NOD1: variants seen among roughly 807,000 people sequenced by gnomAD.
The protein encoded by NOD1 is nucleotide binding oligomerization domain containing 1, also known as nucleotide-binding oligomerization domain-containing protein 1.
NOD1 carries 70 observed loss-of-function variants against 81.2 expected under a neutral mutation model. The observed-to-expected ratio is 0.86, with a 90% confidence interval of 0.71 to 1.05. NOD1 has a LOEUF of 1.05. Ranked by LOEUF, NOD1 falls within the 50% of genes least tolerant of loss-of-function variation. The probability of loss-of-function intolerance (pLI) is 0.00; values close to 1 mark genes in which losing one functional copy is unlikely to be tolerated. For missense variants in NOD1, 1,233 were observed against 1,228.0 expected (o/e 1.00, Z -0.06); for synonymous variants, 508 against 526.9 (o/e 0.96, Z 0.49).
chr7:30,474,282 T>C (rs1164707309), intron 1 of NOD1, among the ~76,000 whole-genome samples: 2 of 152,260 alleles, frequency 1.3e-5, no homozygotes, highest in African/African-American at 4.8e-5. Flanking sequence ...GCACTTTACA[T>C]AGATTAGCTC....
chr7:30,435,034 G>A (rs1784264154), intron 11 of NOD1, among the ~76,000 whole-genome samples: 1 of 151,934 alleles, frequency 6.6e-6, no homozygotes, highest in South Asian at 2.1e-4. Flanking sequence ...GCCTTCCAAA[G>A]TACTGGGATT....
At position 30,425,545 on chromosome 7, in the gene NOD1, G is replaced by C. The variant is rs1277364726; in HGVS notation, c.*93C>G. On this transcript the variant is annotated 3_prime_UTR_variant, in exon 14 of 14. Transcript: ENST00000222823. Reference sequence around the variant, plus strand: ...ACTCCTGATAGTCCCGCCTGCGCAGGCCCCTTTAAGACACTGACACAAAAG... The same window carrying C: ...ACTCCTGATAGTCCCGCCTGCGCAGCCCCCTTTAAGACACTGACACAAAAG... 1 of 892,758 alleles carries C rather than the reference G, an allele frequency of 1.1e-6. No homozygotes were observed. Among genetic ancestry groups the C allele is most frequent in the Non-Finnish European group, 1.9e-6 (1 of 524,116 alleles). 55.3% of individuals were successfully genotyped at this position (892,758 alleles called of 1,614,324 possible).
intron 4 of NOD1, among the ~76,000 whole-genome samples, chr7:30,456,307 C>T (rs1002246909): frequency 2.6e-5 from 4 of 152,162 alleles, no homozygotes; most frequent in Admixed American, 6.5e-5. Context: ...GTGGACCCAC[C>T]GTGGGATGTC....
chr7:30,438,726 G>A (rs1784599567), intron 9 of NOD1, among the ~76,000 whole-genome samples: 3 of 152,138 alleles, frequency 2.0e-5, no homozygotes, highest in Admixed American at 2.0e-4. Flanking sequence ...TAATAAAGTG[G>A]AAAGCTACTC....
rs1238121335 is a variant in NOD1 at position 30,467,416 on chromosome 7, T to G, written c.-351-7375A>C. 6.6e-6 allele frequency among the ~76,000 whole-genome samples: 1 copy of G among 152,120 alleles called. No homozygotes were observed. Among genetic ancestry groups the G allele is most frequent in the Non-Finnish European group, 1.5e-5 (1 of 67,986 alleles). On this transcript the variant is annotated intron_variant, in intron 1 of 13. Coordinates refer to ENST00000222823, the MANE Select transcript of NOD1 (RefSeq NM_006092.4). The surrounding 1 kb of genome is among the most constrained non-coding windows in gnomAD (Gnocchi z 4.5). Reference sequence around the variant, plus strand: ...TTAGGGCCTTTTCCTCATTAGGGCATCTCAGGACATCTTGAGGCAGGCCAG... The same window carrying G: ...TTAGGGCCTTTTCCTCATTAGGGCAGCTCAGGACATCTTGAGGCAGGCCAG...
At chr7:30,476,857 G>A (rs991176559) in intron 1 of NOD1, among the ~76,000 whole-genome samples, 2 of 152,196 alleles carry the variant, frequency 1.3e-5, no homozygotes, top group South Asian at 2.1e-4. Context: ...GGAATGGAGC[G>A]TTGAAGGGAA....
intron 13 of NOD1, among the ~76,000 whole-genome samples, 166 bp from the exon 14 acceptor site, chr7:30,425,876 G>T (rs1384698079): frequency 1.3e-5 from 2 of 152,078 alleles, no homozygotes; most frequent in African/African-American, 4.8e-5. Flanking sequence ...ATATTAGCAT[G>T]GATCCTCTCC....
rs1212592113 is a variant in NOD1, at chr7:30,452,557, T to C, written c.860A>G (p.Asp287Gly). The C allele has an allele frequency of 6.2e-7, 1 of 1,613,148 alleles. No individual in the cohort carries two copies. The highest frequency in any genetic ancestry group is 1.1e-5 in the South Asian group (1 of 91,086). Residue 287 changes from aspartate (D) to glycine (G), a missense_variant, in exon 6 of 14, where the codon GAC (aspartate) becomes GGC (glycine). By Grantham distance (94) the Asp-to-Gly change is moderately conservative (BLOSUM62 -1). Coordinates refer to ENST00000222823, the MANE Select transcript of NOD1 (RefSeq NM_006092.4). ...HVALFTFDGL[D>G]ELHSDLDLSR... ...CAGGTCCAAGTCCGAGTGCAGCTCG[T>C]CCAGGCCATCGAAGGTGAAGAGGGC...
intron 1 of NOD1, among the ~76,000 whole-genome samples, chr7:30,469,663 T>G (rs1249199943): frequency 2.0e-5 from 3 of 149,400 alleles, no homozygotes. Flanking sequence ...CTGTTCAGAG[T>G]GCACAGAGAG....
intron 13 of NOD1, among the ~76,000 whole-genome samples, chr7:30,426,725 T>C (rs1303221634): frequency 6.6e-6 from 1 of 152,136 alleles, no homozygotes; most frequent in Non-Finnish European, 1.5e-5. Flanking sequence ...CAGCCTCCTG[T>C]AGTCCCCTCT....
At position 30,429,270 on chromosome 7, in the gene NOD1, C is replaced by G. The variant is rs537125593; in HGVS notation, c.2789+104G>C. Reference sequence around the variant, plus strand: ...GTAATACCATTACTGTGCAGGGTTGCTGGAGGAATAAACAGAAACCACCCT... The same window carrying G: ...GTAATACCATTACTGTGCAGGGTTGGTGGAGGAATAAACAGAAACCACCCT... On this transcript the variant is annotated intron_variant, in intron 13 of 13. Transcript: ENST00000222823. 4 of 931,806 alleles carry G rather than the reference C, an allele frequency of 4.3e-6. No individual in the cohort carries two copies. In the East Asian group the frequency reaches 9.6e-5, roughly 22 times the overall value. 57.7% of individuals were successfully genotyped at this position (931,806 alleles called of 1,614,324 possible).
At chr7:30,436,533 A>G (rs1455233613) in intron 10 of NOD1, among the ~76,000 whole-genome samples, 1 of 152,162 alleles carries the variant, frequency 6.6e-6, no homozygotes, top group African/African-American at 2.4e-5. Flanking sequence ...CCAAGGTCCC[A>G]AGATTTGGCC....
intron 3 of NOD1, among the ~76,000 whole-genome samples, chr7:30,457,769 C>T (rs1040731702): frequency 3.3e-5 from 5 of 152,076 alleles, no homozygotes; most frequent in African/African-American, 1.2e-4. Context: ...CACAAAATAG[C>T]CTGAGAAGAG....
At chr7:30,429,347 T>C (rs775008755) in intron 13 of NOD1, 27 bp downstream of exon 13, 2 of 1,577,404 alleles carry the variant, frequency 1.3e-6, no homozygotes, top group South Asian at 2.2e-5. Context: ...ACTGGTGTTA[T>C]TACTGTGACA....
chr7:30,446,764 C>T, intron 8 of NOD1: 1 of 554,684 alleles, frequency 1.8e-6, no homozygotes, highest in Non-Finnish European at 3.2e-6. Flanking sequence ...AAATGCCAAC[C>T]TTTCCCCCTA....
intron 13 of NOD1, among the ~76,000 whole-genome samples, chr7:30,427,177 T>C (rs1268741576): frequency 6.6e-6 from 1 of 152,014 alleles, no homozygotes; most frequent in Non-Finnish European, 1.5e-5. Flanking sequence ...GGCCCCACCC[T>C]CCCAGAGCCA....
At chr7:30,449,491 C>T (rs1785458660) in intron 6 of NOD1, among the ~76,000 whole-genome samples, 1 of 152,082 alleles carries the variant, frequency 6.6e-6, no homozygotes. Flanking sequence ...CAATCTTTGC[C>T]CTTCCTTCTT....
chr7:30,426,588 T>G (rs1004990951), intron 13 of NOD1, among the ~76,000 whole-genome samples: 9 of 152,108 alleles, frequency 5.9e-5, no homozygotes, highest in Admixed American at 4.6e-4. Context: ...CTTTTTGCAT[T>G]GCAGATCTGA....
Position 30,452,008 on chromosome 7 carries a change from C to A in NOD1, c.1409G>T (p.Gly470Val). ...GAAGACAAAGAGGCTCTTCTCCATG[C>A]CCCGGTGGGCCACCTGCCCCAGCGA... ...LCSLGQVAHRGMEKSLFVFTQ... is the reference protein window; with the variant it reads ...LCSLGQVAHRVMEKSLFVFTQ... Residue 470 changes from glycine (G) to valine (V), a missense_variant, in exon 6 of 14, where the codon GGC becomes GTC. By Grantham distance (109) the Gly-to-Val change is moderately radical. Coordinates refer to ENST00000222823, the MANE Select transcript of NOD1 (RefSeq NM_006092.4). 6.2e-7 allele frequency: 1 copy of A among 1,613,530 alleles called. No homozygotes were observed. Among genetic ancestry groups the A allele is most frequent in the Non-Finnish European group, 8.5e-7 (1 of 1,179,980 alleles).
Sources: allele counts gnomAD v4.1 joint callset (sites outside exome capture counted in the v4.1 genomes callset), GRCh38; gene constraint gnomAD v4.1.1; non-coding constraint Gnocchi (gnomAD v3.1); transcripts MANE v1.5; gene names NCBI Gene and HGNC (gene_info 2026-07-23, HGNC 2026-07-21).